The following SMARCA2 variants were observed in gnomAD, a reference collection of about 807,000 sequenced individuals.
SMARCA2 encodes the protein SWI/SNF-related matrix-associated actin-dependent regulator of chromatin subfamily A member 2.
SMARCA2 carries 61 observed loss-of-function variants against 199.8 expected under a neutral mutation model. That is an observed-to-expected ratio of 0.31 (90% CI 0.25 to 0.38). The LOEUF (loss-of-function observed/expected upper bound fraction) is 0.38, where lower values mean the gene tolerates loss of function less well. SMARCA2 is among the 10% of genes least tolerant of loss of function. The probability of loss-of-function intolerance (pLI) is 1.00; values close to 1 mark genes in which losing one functional copy is unlikely to be tolerated. For missense variants in SMARCA2, 1,344 were observed against 2,012.2 expected, an observed-to-expected ratio of 0.67 and a Z score of 6.35; for synonymous variants, 935 against 732.0, an observed-to-expected ratio of 1.28 and a Z score of -4.48.
At chr9:2,038,593 T>C (rs1819436213) in intron 3 of SMARCA2, among the ~76,000 whole-genome samples, 1 of 152,182 alleles carries the variant, frequency 6.6e-6, no homozygotes, top group South Asian at 2.1e-4. Context: ...GGCAAGTTAT[T>C]TACTATATAT....
Position 2,070,423 on chromosome 9 carries a change from TGAG to T in SMARCA2, c.1702_1704del (p.Glu568del). The T allele has an allele frequency of 6.2e-7, 1 of 1,613,836 alleles. No individual in the cohort carries two copies. Among genetic ancestry groups the T allele is most frequent in the Non-Finnish European group, 8.5e-7 (1 of 1,179,798 alleles). ...TCGACATTGTTGTTTTGCAGAAGGC[TGAG>T]GAGAATGCAGAGGGTGGGGAGTCTG... is the stretch of plus-strand genomic sequence containing the variant. On this transcript the variant is annotated inframe_deletion, in exon 10 of 34. Transcript: ENST00000349721.
intron 32 of SMARCA2, 49 bp downstream of exon 32, chr9:2,186,277 C>T (rs772960292): frequency 5.8e-6 from 9 of 1,563,290 alleles, no homozygotes; most frequent in Non-Finnish European, 7.8e-6. Flanking sequence ...TCCTCACCTG[C>T]ATAGCTGTCT....
At chr9:2,107,103 A>G (rs1822786110) in intron 23 of SMARCA2, among the ~76,000 whole-genome samples, 1 of 152,074 alleles carries the variant, frequency 6.6e-6, no homozygotes, top group Non-Finnish European at 1.5e-5. Context: ...AAATTTTGTT[A>G]AATTTAACAA....
intron 29 of SMARCA2, among the ~76,000 whole-genome samples, chr9:2,179,297 A>G (rs1826844379): frequency 6.6e-6 from 1 of 152,216 alleles, no homozygotes; most frequent in African/African-American, 2.4e-5. Context: ...GAGATATTTC[A>G]GTGATGATGG....
At chr9:2,143,855 A>T (rs907164142) in intron 27 of SMARCA2, among the ~76,000 whole-genome samples, 1 of 152,206 alleles carries the variant, frequency 6.6e-6, no homozygotes, top group African/African-American at 2.4e-5. Flanking sequence ...TAATTTTTGA[A>T]GCCATATGCA....
intron 3 of SMARCA2, 63 bp downstream of exon 3, chr9:2,033,144 G>C: frequency 6.4e-7 from 1 of 1,555,790 alleles, no homozygotes; most frequent in African/African-American, 1.4e-5. Context: ...TTTCCTGTTG[G>C]ATATTTTAAT....
intron 27 of SMARCA2, among the ~76,000 whole-genome samples, chr9:2,129,958 ATCC>A (rs1823867464): frequency 6.6e-6 from 1 of 152,134 alleles, no homozygotes; most frequent in African/African-American, 2.4e-5. Flanking sequence ...GACTCAAGCA[ATCC>A]TCCTACCTCA....
chr9:2,181,722 G>T, intron 30 of SMARCA2, 46 bp downstream of exon 30: 1 of 998,374 alleles, frequency 1.0e-6, no homozygotes, highest in Non-Finnish European at 1.6e-6. Flanking sequence ...AAATAAAGGA[G>T]CAGTGTAAAG....
At chr9:2,183,450 T>A (rs2129904631) in intron 31 of SMARCA2, among the ~76,000 whole-genome samples, 1 of 152,360 alleles carries the variant, frequency 6.6e-6, no homozygotes, top group South Asian at 2.1e-4. Context: ...CCTCAATTAC[T>A]GTCACCTTAT....
rs1822686779 is a variant in SMARCA2, at chr9:2,104,955, G to A, written c.3292+786G>A. Among the ~76,000 whole-genome samples the A allele has an allele frequency of 6.6e-6, 1 of 152,124 alleles. No homozygotes were observed. Among genetic ancestry groups the A allele is most frequent in the Admixed American group, 6.5e-5 (1 of 15,270 alleles). On this transcript the variant is annotated intron_variant, in intron 23 of 33. Coordinates refer to ENST00000349721, the MANE Select transcript of SMARCA2 (RefSeq NM_003070.5). This position sits in a 1 kb window ranked among gnomAD's most constrained non-coding sequence, Gnocchi z 4.0. ...ACAGTCAGGATGCTATTTAATCCCT[G>A]GGTAGAAAAGAGGATACTGCTAATA...
At chr9:2,059,882 C>T (rs1412358286) in intron 8 of SMARCA2, among the ~76,000 whole-genome samples, 2 of 152,016 alleles carry the variant, frequency 1.3e-5, no homozygotes, top group African/African-American at 4.8e-5. Context: ...TTTATCGTGG[C>T]ATTACATGAT....
rs111744758 is a variant in SMARCA2, at chr9:2,115,462, G to T, written c.3457-360G>T. On this transcript the variant is annotated intron_variant, in intron 24 of 33. Transcript: ENST00000349721. This position sits in a 1 kb window ranked among gnomAD's most constrained non-coding sequence, Gnocchi z 6.0. ...AGGCGTTTCTTGCAACTTAAGGTTAGTTGTAGGTGTTATGTAAGTCATAAT... is the reference window on the plus strand; with the variant it reads ...AGGCGTTTCTTGCAACTTAAGGTTATTTGTAGGTGTTATGTAAGTCATAAT... Among the ~76,000 whole-genome samples the T allele has an allele frequency of 6.5e-4, 99 of 152,346 alleles. No homozygotes were observed. Among genetic ancestry groups the T allele is most frequent in the African/African-American group, 2.3e-3 (95 of 41,576 alleles).
chr9:2,130,760 A>C lies in SMARCA2; in HGVS notation c.3981+6823A>C, dbSNP rs867508842. ...ATATGTATAATTGCGCATGCACAAG[A>C]AATGGCCCATCTTGATAATTTCTTG... On this transcript the variant is annotated intron_variant, in intron 27 of 33. Transcript: ENST00000349721. 6.6e-5 allele frequency among the ~76,000 whole-genome samples: 10 copies of C among 152,338 alleles called. No homozygotes were observed. The Middle Eastern group carries it at 0.017, about 259-fold the overall frequency.
chr9:2,072,317 G>T (rs574024779), intron 10 of SMARCA2, among the ~76,000 whole-genome samples: 2 of 152,308 alleles, frequency 1.3e-5, no homozygotes, highest in East Asian at 3.9e-4. Flanking sequence ...GTTCTTAGAA[G>T]TACAGATCAC....
At chr9:2,189,087 C>G (rs1045639302) in intron 32 of SMARCA2, among the ~76,000 whole-genome samples, 1 of 152,140 alleles carries the variant, frequency 6.6e-6, no homozygotes, top group Non-Finnish European at 1.5e-5. Context: ...CTATAATTTC[C>G]CCATCTCAGG....
At chr9:2,125,271 G>C (rs13283223) in intron 27 of SMARCA2, among the ~76,000 whole-genome samples, 1 of 152,092 alleles carries the variant, frequency 6.6e-6, no homozygotes, top group East Asian at 1.9e-4. Flanking sequence ...TTAGTTTGTC[G>C]TATCCAGTCA....
At chr9:2,144,097 AG>A (rs1236250014) in intron 27 of SMARCA2, among the ~76,000 whole-genome samples, 2 of 151,824 alleles carry the variant, frequency 1.3e-5, no homozygotes, top group Admixed American at 6.6e-5. Flanking sequence ...ATTTCTTTTG[AG>A]GGGGCAGTCA....
intron 1 of SMARCA2, among the ~76,000 whole-genome samples, chr9:2,026,760 A>G (rs574563308): frequency 1.3e-5 from 2 of 152,368 alleles, no homozygotes; most frequent in South Asian, 2.1e-4. Flanking sequence ...ATGAAAGAGC[A>G]TTGTATCTTG....
intron 32 of SMARCA2, among the ~76,000 whole-genome samples, chr9:2,190,145 G>A (rs570822615): frequency 6.6e-6 from 1 of 152,154 alleles, no homozygotes; most frequent in Non-Finnish European, 1.5e-5. Flanking sequence ...TTGTGATATT[G>A]TACCTTGAAC....
Sources: gnomAD v4.1 joint callset for allele counts (sites outside exome capture counted in the v4.1 genomes callset) on GRCh38, gnomAD v4.1.1 for gene constraint, Gnocchi (gnomAD v3.1) non-coding constraint, MANE v1.5 for transcripts, NCBI Gene and HGNC (gene_info 2026-07-23, HGNC 2026-07-21) for gene names.